DVL2: variants seen among roughly 807,000 people sequenced by gnomAD.
The protein encoded by DVL2 is segment polarity protein dishevelled homolog DVL-2.
In DVL2, 38 loss-of-function variants were observed where a neutral mutation model predicts 69.8. The observed-to-expected ratio is 0.54, with a 90% CI of 0.42 to 0.71. The LOEUF (loss-of-function observed/expected upper bound fraction) is 0.71, where lower values mean the gene tolerates loss of function less well. Ranked by LOEUF, DVL2 falls within the 30% of genes least tolerant of loss-of-function variation. The probability of loss-of-function intolerance (pLI) is 0.00; values close to 1 mark genes in which losing one functional copy is unlikely to be tolerated. For synonymous variants in DVL2, 428 were observed against 392.4 expected (o/e 1.09, Z -1.07); for missense variants, 931 against 1,008.1 (o/e 0.92, Z 1.04).
Position 7,226,483 on chromosome 17 carries a change from G to A in DVL2, c.1700C>T (p.Pro567Leu), listed in dbSNP as rs1185930374. Residue 567 changes from proline to leucine, a missense_variant, in exon 14 of 15, where the codon CCC becomes CTC. Pro to Leu is a moderately conservative substitution (Grantham distance 98). This residue lies in a region of DVL2 where 314 missense variants were observed against 313.7 expected (regional missense o/e 1.00). Coordinates refer to ENST00000005340, the MANE Select transcript of DVL2 (RefSeq NM_004422.3). Reference protein sequence around the residue: ...APHPYSPQPPPYHELSSYTYG... With the variant: ...APHPYSPQPPLYHELSSYTYG... The stretch of plus-strand genomic sequence containing the variant: ...GGTGTAAGATGAAAGCTCATGGTAG[G>A]GTGGAGGCTGCGGGCTGTAGGGGTG... 1 of 1,574,984 alleles carries A rather than the reference G, an allele frequency of 6.3e-7. No individual in the cohort carries two copies. The highest frequency in any genetic ancestry group is 8.6e-7 in the Non-Finnish European group (1 of 1,162,722).
In DVL2 at chr17:7,229,708, G is replaced by A. The variant is rs759068666; in HGVS notation, c.657-30C>T. Reference sequence around the variant, plus strand: ...CAGGAGGTTGGGAAGGAGAGCAAACGTAGGCCAAAGTGGTCATGGGGCCAA... The same window carrying A: ...CAGGAGGTTGGGAAGGAGAGCAAACATAGGCCAAAGTGGTCATGGGGCCAA... On this transcript the variant is annotated intron_variant, in intron 5 of 14. Transcript: ENST00000005340. The surrounding 1 kb of genome is among the most constrained non-coding windows in gnomAD (Gnocchi z 4.4). 6.4e-6 allele frequency: 10 copies of A among 1,564,048 alleles called. No homozygotes were observed. The highest frequency in any genetic ancestry group is 1.8e-5 in the Admixed American group (1 of 55,258).
At position 7,229,644 on chromosome 17, in the gene DVL2, G is replaced by A. The variant is rs767205489; in HGVS notation, c.691C>T (p.Arg231Cys). ...CGCCGCCGGTGGCGCTTAAGGAGGC[G>A]GGAGGCACTGCTCTGCTCCGTGGAG... ...SSSTEQSSAS[R>C]LLKRHRRRRK... The change falls in exon 6 of 15, where the codon CGC becomes TGC. Residue 231 changes from arginine (R) to cysteine (C), a missense_variant. Physicochemically the swap from Arg to Cys is radical, Grantham distance 180. Coordinates refer to ENST00000005340, the MANE Select transcript of DVL2 (RefSeq NM_004422.3). This position sits in a 1 kb window ranked among gnomAD's most constrained non-coding sequence, Gnocchi z 4.4. 6.4e-6 allele frequency: 10 copies of A among 1,552,468 alleles called. No homozygotes were observed. The highest frequency in any genetic ancestry group is 3.7e-5 in the South Asian group (3 of 80,350).
intron 1 of DVL2, among the ~76,000 whole-genome samples, chr17:7,231,805 G>C (rs142020037): frequency 2.7e-5 from 4 of 150,136 alleles, no homozygotes; most frequent in Non-Finnish European, 3.0e-5. Flanking sequence ...GAAGGTTGCA[G>C]TGAGCTGAGA....
chr17:7,234,317 C>A lies in DVL2; in HGVS notation c.-55G>T. The stretch of plus-strand genomic sequence containing the variant: ...CGCCCACCCAAAGGGCTAATGGCCC[C>A]TGCCGCGCCTGCGCACACCCGCAAA... On this transcript the variant is annotated 5_prime_UTR_variant, in exon 1 of 15. The change creates a new upstream start codon in the 5' untranslated region. Coordinates refer to ENST00000005340, the MANE Select transcript of DVL2 (RefSeq NM_004422.3). 1 of 1,561,240 alleles carries A rather than the reference C, an allele frequency of 6.4e-7. No individual in the cohort carries two copies.
At chr17:7,231,163 C>A (rs2071536951) in intron 1 of DVL2, among the ~76,000 whole-genome samples, 1 of 152,138 alleles carries the variant, frequency 6.6e-6, no homozygotes, top group South Asian at 2.1e-4. Context: ...ACCCCTGTTC[C>A]TTACAAACCT....
chr17:7,227,513 GGA>G lies in DVL2; in HGVS notation c.1252_1253del (p.Ser418ArgfsTer33). On this transcript the variant is annotated frameshift_variant, in exon 12 of 15. Coordinates refer to ENST00000005340, the MANE Select transcript of DVL2 (RefSeq NM_004422.3). LOFTEE classifies it high-confidence loss of function. ...LPDGCEGRGL[S>X]VHTDMASVTK... ...TCACCGATGCCATGTCCGTATGGAC[GGA>G]GAGACCCCGGCCTTCACAGCCTGGC... The G allele has an allele frequency of 6.2e-7, 1 of 1,614,080 alleles. No homozygotes were observed. Among genetic ancestry groups the G allele is most frequent in the Non-Finnish European group, 8.5e-7 (1 of 1,179,936 alleles).
chr17:7,229,601 G>A lies in DVL2; in HGVS notation c.734C>T (p.Pro245Leu). The A allele has an allele frequency of 6.4e-7, 1 of 1,561,348 alleles. No individual in the cohort carries two copies. Among genetic ancestry groups the A allele is most frequent in the Non-Finnish European group, 8.7e-7 (1 of 1,155,044 alleles). ...RHRRRRKQRP[P>L]RLERTSSFSS... ...GGAACCCCTCACCCTCTCCAGGCGG[G>A]GTGGCCTCTGCTTCCTTCGCCGCCG... The change falls in exon 6 of 15, where the codon CCC becomes CTC. Residue 245 changes from proline (P) to leucine (L), a missense_variant. Physicochemically the swap from Pro to Leu is moderately conservative, Grantham distance 98 (BLOSUM62 -3). Around this residue, in one of 3 missense-constraint regions of DVL2, gnomAD observed 555 missense variants for 588.8 expected, o/e 0.94. Transcript: ENST00000005340. This position sits in a 1 kb window ranked among gnomAD's most constrained non-coding sequence, Gnocchi z 4.4.
At chr17:7,233,105 A>AAAAAAAAAAAC (rs2071570445) in intron 1 of DVL2, among the ~76,000 whole-genome samples, 1 of 150,522 alleles carries the variant, frequency 6.6e-6, no homozygotes, top group African/African-American at 2.4e-5. Flanking sequence ...AAAAAAAAAA[A>AAAAAAAAAAAC]AAGCAGAGGT....
At chr17:7,228,517 A>G (rs2071492606) in intron 9 of DVL2, 1 of 177,988 alleles carries the variant, frequency 5.6e-6, no homozygotes, top group African/African-American at 2.4e-5. Flanking sequence ...TGACATGGAT[A>G]TTTACTCTAG....
At chr17:7,228,324 A>C (rs898976211) in intron 9 of DVL2, 3 of 285,012 alleles carry the variant, frequency 1.1e-5, no homozygotes, top group Non-Finnish European at 2.0e-5. Context: ...TGCAGTGTTC[A>C]AGGATACGTG....
At chr17:7,231,756 C>T (rs994991011) in intron 1 of DVL2, among the ~76,000 whole-genome samples, 1 of 150,442 alleles carries the variant, frequency 6.6e-6, no homozygotes, top group African/African-American at 2.4e-5. Flanking sequence ...CCAGCTACTC[C>T]GGAGGCCAAA....
intron 1 of DVL2, among the ~76,000 whole-genome samples, chr17:7,231,463 A>C (rs1211741004): frequency 6.6e-6 from 1 of 151,046 alleles, no homozygotes. Flanking sequence ...AAAAAAAAAA[A>C]AAACCTTCCA....
rs549044395 is a variant in DVL2 at position 7,225,429 on chromosome 17, C to T, written c.*436G>A. The T allele has an allele frequency of 6.7e-6, 3 of 445,046 alleles. No homozygotes were observed. Among genetic ancestry groups the T allele is most frequent in the East Asian group, 4.7e-5 (1 of 21,232 alleles). 27.6% of individuals were successfully genotyped at this position (445,046 alleles called of 1,614,324 possible). On this transcript the variant is annotated 3_prime_UTR_variant, in exon 15 of 15. Transcript: ENST00000005340. ...AAGGCAGCTACATGGCCCAAATCTC[C>T]CAGCTTCCTCAGGCTGCTGTCTAGG...
chr17:7,231,442 G>A (rs1424001921), intron 1 of DVL2, among the ~76,000 whole-genome samples: 45 of 114,812 alleles, frequency 3.9e-4, no homozygotes, highest in Non-Finnish European at 7.0e-4. Context: ...CAGCCTGGGC[G>A]GCTCAAAAAA....
rs367563224 is a variant in DVL2 at position 7,226,281 on chromosome 17, C to G, written c.1795G>C (p.Gly599Arg). The G allele has an allele frequency of 1.9e-6, 3 of 1,592,632 alleles. No individual in the cohort carries two copies. The highest frequency in any genetic ancestry group is 1.1e-5 in the South Asian group (1 of 88,360). ...SRSSGSTRSDGGAGRTGRPEE... is the reference protein window; with the variant it reads ...SRSSGSTRSDRGAGRTGRPEE... ...GGCCTCCCCGTGCGCCCTGCCCCCC[C>G]ATCACTCCGTGTCGACCCACTGCTC... Residue 599 changes from glycine to arginine, a missense_variant, in exon 15 of 15, where the codon GGG (glycine) becomes CGG (arginine). Physicochemically the swap from Gly to Arg is moderately radical, Grantham distance 125. Coordinates refer to ENST00000005340, the MANE Select transcript of DVL2 (RefSeq NM_004422.3).
At chr17:7,230,532 G>A in intron 2 of DVL2, 102 bp from the exon 3 acceptor site, 8 of 1,496,076 alleles carry the variant, frequency 5.3e-6, no homozygotes, top group African/African-American at 2.8e-5. Context: ...AGCTGGAGAA[G>A]AGCAAAAAAA....
In DVL2 at chr17:7,229,249, G is replaced by A. The variant is rs1567574129; in HGVS notation, c.843C>T (p.Ser281=). ...CCCGCTCATTGCTCTGGCCAACAAT[G>A]GAGATACCCAGGAAGTTGTACTTCT... The part of the protein sequence containing the change: ...NMEKYNFLGI[S]IVGQSNERGD... Residue 281 remains serine, a synonymous_variant, in exon 8 of 15, where the codon TCC becomes TCT. Transcript: ENST00000005340. The surrounding 1 kb of genome is among the most constrained non-coding windows in gnomAD (Gnocchi z 4.4). The A allele has an allele frequency of 4.3e-6, 7 of 1,614,198 alleles. No homozygotes were observed. Among genetic ancestry groups the A allele is most frequent in the Non-Finnish European group, 5.9e-6 (7 of 1,180,026 alleles).
At position 7,226,308 on chromosome 17, in the gene DVL2, G is replaced by A. The variant is rs752499366; in HGVS notation, c.1768C>T (p.Arg590Trp). 11 of 1,561,278 alleles carry A rather than the reference G, an allele frequency of 7.0e-6. No homozygotes were observed. The highest frequency in any genetic ancestry group is 1.9e-5 in the Admixed American group (1 of 51,648). Reference sequence around the variant, plus strand: ...TCACTCCGTGTCGACCCACTGCTCCGGCTGCCTGTGGAGGGAGGGGAGGGG... The same window carrying A: ...TCACTCCGTGTCGACCCACTGCTCCAGCTGCCTGTGGAGGGAGGGGAGGGG... ...SASSQHSEGS[R>W]SSGSTRSDGG... The change falls in exon 15 of 15, where the codon CGG becomes TGG. Residue 590 changes from arginine to tryptophan, a missense_variant. Physicochemically the swap from Arg to Trp is moderately radical, Grantham distance 101 (BLOSUM62 -3). This residue lies in a region of DVL2 where 314 missense variants were observed against 313.7 expected (regional missense o/e 1.00). Transcript: ENST00000005340.
In DVL2 at chr17:7,227,787, G is replaced by T; in HGVS notation, c.1103-4C>A. On this transcript the variant is annotated splice_polypyrimidine_tract_variant and splice_region_variant and intron_variant, in intron 10 of 14. Transcript: ENST00000005340. Reference sequence around the variant, plus strand: ...TCAATTGGCTGGATGGGCTCATCTGGGACAAAGATGGCACCAAAATGACCC... The same window carrying T: ...TCAATTGGCTGGATGGGCTCATCTGTGACAAAGATGGCACCAAAATGACCC... The T allele has an allele frequency of 6.4e-7, 1 of 1,566,440 alleles. No homozygotes were observed.
Sources: allele counts gnomAD v4.1 joint callset (sites outside exome capture counted in the v4.1 genomes callset), GRCh38; gene constraint gnomAD v4.1.1; regional missense constraint gnomAD v4.1.1; non-coding constraint Gnocchi (gnomAD v3.1); transcripts MANE v1.5; gene names NCBI Gene and HGNC (gene_info 2026-07-23, HGNC 2026-07-21).